MYO3B: variants seen among roughly 807,000 people sequenced by gnomAD.
The protein encoded by MYO3B is myosin-IIIb.
In MYO3B, 156 loss-of-function variants were observed where a neutral mutation model predicts 174.6. That is an observed-to-expected ratio of 0.89 (90% CI 0.78 to 1.02). The LOEUF (loss-of-function observed/expected upper bound fraction) is 1.02. Among genes scored for constraint, MYO3B ranks in the 50% least tolerant of loss-of-function variants. The probability of loss-of-function intolerance (pLI) is 0.00; values close to 1 mark genes in which losing one functional copy is unlikely to be tolerated. For synonymous variants in MYO3B, 563 were observed against 569.1 expected (o/e 0.99, Z 0.15); for missense variants, 1,632 against 1,639.4 (o/e 1.00, Z 0.08).
At chr2:170,217,779 C>T (rs2092847383) in intron 6 of MYO3B, among the ~76,000 whole-genome samples, 1 of 152,226 alleles carries the variant, frequency 6.6e-6, no homozygotes, top group East Asian at 1.9e-4. Context: ...ACCAACTGGC[C>T]TACAGAACTA....
intron 32 of MYO3B, among the ~76,000 whole-genome samples, chr2:170,590,420 T>A (rs1405947077): frequency 6.6e-6 from 1 of 152,146 alleles, no homozygotes; most frequent in Non-Finnish European, 1.5e-5. Context: ...GCAAAATTTC[T>A]TATTATATCC....
chr2:170,366,195 G>A (rs1352153441), intron 8 of MYO3B, among the ~76,000 whole-genome samples: 1 of 152,094 alleles, frequency 6.6e-6, no homozygotes, highest in Admixed American at 6.6e-5. Context: ...CTTGAACTTG[G>A]TGCCATCCCT....
intron 16 of MYO3B, among the ~76,000 whole-genome samples, chr2:170,398,124 G>A (rs2094451619): frequency 6.6e-6 from 1 of 151,316 alleles, no homozygotes; most frequent in Non-Finnish European, 1.5e-5. Flanking sequence ...TCAGGAGGCT[G>A]AGGCAGGAGA....
At chr2:170,381,660 C>T (rs972156249) in intron 9 of MYO3B, among the ~76,000 whole-genome samples, 3 of 152,294 alleles carry the variant, frequency 2.0e-5, no homozygotes, top group African/African-American at 7.2e-5. Flanking sequence ...AAGTAAGGCA[C>T]TTATGGCTAT....
intron 7 of MYO3B, among the ~76,000 whole-genome samples, chr2:170,239,190 T>G (rs1318329021): frequency 6.6e-6 from 1 of 152,274 alleles, no homozygotes; most frequent in Non-Finnish European, 1.5e-5. Context: ...CTCTCATGAC[T>G]CTTTACTGAG....
intron 1 of MYO3B, among the ~76,000 whole-genome samples, chr2:170,184,025 T>C (rs2092434793): frequency 6.6e-6 from 1 of 151,842 alleles, no homozygotes; most frequent in African/African-American, 2.4e-5. Context: ...AATAGCTGAT[T>C]TTTTTTCTGT....
At chr2:170,234,616 T>A (rs141755987) in intron 6 of MYO3B, among the ~76,000 whole-genome samples, 1 of 152,194 alleles carries the variant, frequency 6.6e-6, no homozygotes, top group African/African-American at 2.4e-5. Context: ...TAAAATACTC[T>A]TCTCCATTTC....
chr2:170,293,055 G>C (rs114542264), intron 7 of MYO3B, among the ~76,000 whole-genome samples: 2 of 152,084 alleles, frequency 1.3e-5, no homozygotes, highest in African/African-American at 2.4e-5. Context: ...GAGGCCTCAA[G>C]GATTTGGAAG....
Position 170,532,936 on chromosome 2 carries a change from A to G in MYO3B, c.3576-9970A>G, listed in dbSNP as rs1689454202. 1.3e-5 allele frequency among the ~76,000 whole-genome samples: 2 copies of G among 152,202 alleles called. 1 individual carries two copies. The highest frequency in any genetic ancestry group is 4.2e-4 in the South Asian group (2 of 4,816). ...CAGAGACAGAGAGAGGACAAAGCAA[A>G]TATGTAAGTCTGCTGAGGAATATAT... is the stretch of plus-strand genomic sequence containing the variant. On this transcript the variant is annotated intron_variant, in intron 30 of 34. Transcript: ENST00000408978.
At chr2:170,277,115 A>G (rs2093468883) in intron 7 of MYO3B, among the ~76,000 whole-genome samples, 1 of 152,210 alleles carries the variant, frequency 6.6e-6, no homozygotes, top group Non-Finnish European at 1.5e-5. Context: ...CACCTGGGGA[A>G]GGCTGAGAAG....
intron 32 of MYO3B, among the ~76,000 whole-genome samples, chr2:170,632,005 C>A (rs1037491025): frequency 6.6e-6 from 1 of 152,132 alleles, no homozygotes; most frequent in African/African-American, 2.4e-5. Flanking sequence ...GAGAGACCCA[C>A]AAGGAGACTT....
intron 3 of MYO3B, among the ~76,000 whole-genome samples, chr2:170,209,207 T>C (rs2092745898): frequency 1.3e-5 from 2 of 152,196 alleles, no homozygotes; most frequent in Admixed American, 1.3e-4. Context: ...ATGGCACTGA[T>C]GCAAACAACT....
chr2:170,499,482 G>A (rs934327669), intron 26 of MYO3B, among the ~76,000 whole-genome samples, 164 bp from the exon 27 acceptor site: 1 of 152,134 alleles, frequency 6.6e-6, no homozygotes, highest in Non-Finnish European at 1.5e-5. Context: ...CTTAGAAGGA[G>A]AATTGTATTT....
chr2:170,463,443 C>A lies in MYO3B; in HGVS notation c.2806C>A (p.Arg936=). Residue 936 remains arginine (R), a splice_region_variant and synonymous_variant, in exon 24 of 35, where the codon CGG becomes AGG. Coordinates refer to ENST00000408978, the MANE Select transcript of MYO3B (RefSeq NM_138995.5). ...GAGGCAAACTGTGGCTTCTTACTTC[C>A]GGGTATGGAGTCTTCTTGATCTCTA... ...MKRQTVASYF[R]YSLMDLLSKM... The A allele has an allele frequency of 1.2e-6, 2 of 1,613,742 alleles. No homozygotes were observed. The highest frequency in any genetic ancestry group is 1.7e-6 in the Non-Finnish European group (2 of 1,179,832).
chr2:170,214,865 C>T (rs771339574), intron 5 of MYO3B, 37 bp downstream of exon 5: 7 of 1,475,204 alleles, frequency 4.7e-6, no homozygotes, highest in Non-Finnish European at 1.9e-6. Context: ...TTGACGTGTG[C>T]AGTTTAGCCA....
intron 7 of MYO3B, among the ~76,000 whole-genome samples, chr2:170,238,946 G>A (rs1396088786): frequency 6.6e-6 from 1 of 152,106 alleles, no homozygotes; most frequent in Non-Finnish European, 1.5e-5. Flanking sequence ...TTGAAATACT[G>A]CGTGACTCAC....
intron 22 of MYO3B, among the ~76,000 whole-genome samples, chr2:170,440,013 C>T (rs1166352211): frequency 6.6e-6 from 1 of 152,144 alleles, no homozygotes; most frequent in Non-Finnish European, 1.5e-5. Context: ...ATCTTCAAGC[C>T]ATTTTGATAT....
intron 7 of MYO3B, among the ~76,000 whole-genome samples, chr2:170,279,572 GC>G (rs1474126304): frequency 6.6e-6 from 1 of 151,998 alleles, no homozygotes; most frequent in African/African-American, 2.4e-5. Flanking sequence ...CAGGTATTAA[GC>G]CCAGTACCCA....
chr2:170,601,512 C>T (rs1694507493), intron 32 of MYO3B: 2 of 831,928 alleles, frequency 2.4e-6, no homozygotes, highest in Non-Finnish European at 1.9e-6. Flanking sequence ...AAATCTTACA[C>T]AGCCTTACAT....
Sources: gnomAD v4.1 joint callset for allele counts (sites outside exome capture counted in the v4.1 genomes callset) on GRCh38, gnomAD v4.1.1 for gene constraint, MANE v1.5 for transcripts, NCBI Gene and HGNC (gene_info 2026-07-23, HGNC 2026-07-21) for gene names.